Variants in ZNF423 observed in about 807,000 individuals in gnomAD.
ZNF423 encodes zinc finger protein 423.
Under a neutral mutation model 95.8 loss-of-function variants are expected in ZNF423, and 12 were observed. The observed-to-expected ratio is 0.13, with a 90% confidence interval of 0.08 to 0.20. The LOEUF (loss-of-function observed/expected upper bound fraction) is 0.20. Among genes scored for constraint, ZNF423 ranks in the 10% least tolerant of loss-of-function variants. The pLI is 1.00. For missense variants in ZNF423, 1,316 were observed against 1,737.1 expected (o/e 0.76, Z 4.31); for synonymous variants, 749 against 711.9 (o/e 1.05, Z -0.83).
chr16:49,609,346 T>G (rs1376793588), intron 5 of ZNF423, among the ~76,000 whole-genome samples: 1 of 152,108 alleles, frequency 6.6e-6, no homozygotes, highest in African/African-American at 2.4e-5. Context: ...AAACAAGATC[T>G]CAAATTCAAT....
chr16:49,669,031 G>T (rs1487522525), intron 3 of ZNF423, among the ~76,000 whole-genome samples: 1 of 152,138 alleles, frequency 6.6e-6, no homozygotes, highest in Admixed American at 6.5e-5. Context: ...AGTGCAGCAT[G>T]GTCTTAAATC....
At chr16:49,639,739 G>A (rs1331654446) in intron 3 of ZNF423, among the ~76,000 whole-genome samples, 1 of 152,156 alleles carries the variant, frequency 6.6e-6, no homozygotes, top group Admixed American at 6.5e-5. Flanking sequence ...CACTGCAAAG[G>A]CAAGGAAGAG....
At chr16:49,726,304 C>G (rs1026044195) in intron 3 of ZNF423, among the ~76,000 whole-genome samples, 1 of 152,116 alleles carries the variant, frequency 6.6e-6, no homozygotes, top group Non-Finnish European at 1.5e-5. Flanking sequence ...GTATTTGCAC[C>G]AGGAAGTGAA....
intron 2 of ZNF423, among the ~76,000 whole-genome samples, chr16:49,788,264 C>A (rs1597009260): frequency 6.6e-6 from 1 of 152,330 alleles, no homozygotes; most frequent in East Asian, 1.9e-4. Context: ...TTAGCTCCTG[C>A]TGGAAAGGAC....
chr16:49,671,345 A>C (rs2030798912), intron 3 of ZNF423, among the ~76,000 whole-genome samples: 1 of 152,190 alleles, frequency 6.6e-6, no homozygotes, highest in South Asian at 2.1e-4. Flanking sequence ...TCCAAAACAG[A>C]CAAACCATAG....
chr16:49,858,126 A>G (rs1039029598), upstream of ZNF423, among the ~76,000 whole-genome samples: 2 of 151,998 alleles, frequency 1.3e-5, no homozygotes, highest in African/African-American at 4.8e-5. This position sits in a 1 kb window ranked among gnomAD's most constrained non-coding sequence, Gnocchi z 4.3. Flanking sequence ...TCTCGGATCG[A>G]TAAGTTGCCA....
At position 49,751,383 on chromosome 16, in the gene ZNF423, C is replaced by A. The variant is rs117209904; in HGVS notation, c.101-20412G>T. ...CACCTGGCTAGTTTTTTTCAAAAAT[C>A]TGTTGTAGAGATGAAGTCTTACTAT... On this transcript the variant is annotated intron_variant, in intron 2 of 7. Coordinates refer to ENST00000563137, the MANE Select transcript of ZNF423 (RefSeq NM_001379286.1). 4.3e-4 allele frequency among the ~76,000 whole-genome samples: 65 copies of A among 152,156 alleles called. 3 individuals are homozygous for A. In the East Asian group the frequency reaches 0.011, roughly 26 times the overall value.
At chr16:49,649,277 G>A (rs1474083014) in intron 3 of ZNF423, among the ~76,000 whole-genome samples, 1 of 152,168 alleles carries the variant, frequency 6.6e-6, no homozygotes, top group East Asian at 1.9e-4. Context: ...GTAACCATGG[G>A]CAAGCATATC....
rs533464180 is a variant in ZNF423, at chr16:49,638,647, T to A, written c.529A>T (p.Thr177Ser). 2.5e-5 allele frequency: 40 copies of A among 1,613,996 alleles called. No homozygotes were observed. The highest frequency in any genetic ancestry group is 3.3e-4 in the Middle Eastern group (2 of 6,062). ...IHSDKLPFKCTYCSRLFKHKR... is the reference protein window; with the variant it reads ...IHSDKLPFKCSYCSRLFKHKR... The stretch of plus-strand genomic sequence containing the variant: ...TGCTTGAAGAGGCGGCTGCAGTAGG[T>A]GCACTTGAACGGCAGCTTGTCGCTG... Residue 177 changes from threonine to serine, a missense_variant, in exon 4 of 8, where the codon ACC becomes TCC. By Grantham distance (58) the Thr-to-Ser change is moderately conservative. Around this residue, in one of 6 missense-constraint regions of ZNF423, gnomAD observed 58 missense variants for 116.9 expected, o/e 0.50. Coordinates refer to ENST00000563137, the MANE Select transcript of ZNF423 (RefSeq NM_001379286.1). This position sits in a 1 kb window ranked among gnomAD's most constrained non-coding sequence, Gnocchi z 5.6.
At chr16:49,617,018 A>G (rs951744872) in intron 5 of ZNF423, among the ~76,000 whole-genome samples, 61 of 152,268 alleles carry the variant, frequency 4.0e-4, no homozygotes, top group African/African-American at 1.4e-3. Flanking sequence ...GGTGAGTTGC[A>G]CTGTTTGTGC....
At chr16:49,521,948 C>T (rs1449470032) in intron 7 of ZNF423, among the ~76,000 whole-genome samples, 2 of 152,218 alleles carry the variant, frequency 1.3e-5, no homozygotes, top group African/African-American at 4.8e-5. Context: ...CCAGGCCTGG[C>T]AGTGTGGGTG....
chr16:49,617,757 C>T (rs1226851985), intron 5 of ZNF423, among the ~76,000 whole-genome samples: 1 of 152,188 alleles, frequency 6.6e-6, no homozygotes, highest in East Asian at 1.9e-4. Context: ...TCCACTGACA[C>T]TGCTGCCCAC....
chr16:49,590,329 G>A (rs1339988163), intron 5 of ZNF423, among the ~76,000 whole-genome samples: 4 of 152,090 alleles, frequency 2.6e-5, no homozygotes, highest in Admixed American at 6.5e-5. Flanking sequence ...TGGCACTGCC[G>A]GGCAGTCCCC....
chr16:49,645,420 G>A (rs1254428022), intron 3 of ZNF423, among the ~76,000 whole-genome samples: 1 of 152,202 alleles, frequency 6.6e-6, no homozygotes, highest in Non-Finnish European at 1.5e-5. Context: ...CTTATCTCAG[G>A]TCCAAAGAAA....
chr16:49,719,582 G>A (rs1413531495), intron 3 of ZNF423, among the ~76,000 whole-genome samples: 1 of 152,168 alleles, frequency 6.6e-6, no homozygotes, highest in Non-Finnish European at 1.5e-5. Flanking sequence ...CATGGGGGCA[G>A]ATTTCCCCCT....
chr16:49,530,604 GCGGTA>G (rs1968804550), intron 5 of ZNF423, among the ~76,000 whole-genome samples: 1 of 152,184 alleles, frequency 6.6e-6, no homozygotes, highest in African/African-American at 2.4e-5. Flanking sequence ...CACAGAGTTT[GCGGTA>G]GGGTGGGAGT....
chr16:49,647,372 A>C (rs60857779), intron 3 of ZNF423, among the ~76,000 whole-genome samples: 32,072 of 152,224 alleles, frequency 0.21, 3,528 homozygotes, highest in Admixed American at 0.25. Context: ...AGATTGTGGT[A>C]GGCAGAATAA....
intron 3 of ZNF423, among the ~76,000 whole-genome samples, chr16:49,652,442 A>C (rs1322048291): frequency 1.3e-5 from 2 of 151,950 alleles, no homozygotes; most frequent in African/African-American, 4.8e-5. Context: ...AACTCCTGCC[A>C]GCAAGGAAGA....
chr16:49,796,014 T>C (rs2034493507), intron 1 of ZNF423, among the ~76,000 whole-genome samples: 1 of 152,096 alleles, frequency 6.6e-6, no homozygotes, highest in South Asian at 2.1e-4. Flanking sequence ...CTATTAACCA[T>C]GGTTCCTGGG....
Sources: gnomAD v4.1 joint callset for allele counts (sites outside exome capture counted in the v4.1 genomes callset) on GRCh38, gnomAD v4.1.1 for gene constraint, gnomAD v4.1.1 regional missense constraint, Gnocchi (gnomAD v3.1) non-coding constraint, MANE v1.5 for transcripts, NCBI Gene and HGNC (gene_info 2026-07-23, HGNC 2026-07-21) for gene names.